Variants in HECW1 observed in about 807,000 individuals in gnomAD.
HECW1 encodes E3 ubiquitin-protein ligase HECW1.
Under a neutral mutation model 182.3 loss-of-function variants are expected in HECW1, and 61 were observed. The ratio of observed to expected loss-of-function variants is 0.33; its 90% confidence interval spans 0.27 to 0.41. The LOEUF (loss-of-function observed/expected upper bound fraction) is 0.41, where lower values mean the gene tolerates loss of function less well. Among genes scored for constraint, HECW1 ranks in the 10% least tolerant of loss-of-function variants. The pLI, the probability that HECW1 is intolerant of heterozygous loss-of-function variation, is 1.00. For synonymous variants in HECW1, 859 were observed against 832.6 expected, an observed-to-expected ratio of 1.03 and a Z score of -0.55; for missense variants, 1,739 against 2,108.9, an observed-to-expected ratio of 0.82 and a Z score of 3.44.
chr7:43,237,942 G>A (rs1798538092), intron 2 of HECW1, among the ~76,000 whole-genome samples: 1 of 152,140 alleles, frequency 6.6e-6, no homozygotes, highest in African/African-American at 2.4e-5. Flanking sequence ...ATGGGAGAGG[G>A]CCCTTGGTTG....
chr7:43,506,604 T>C (rs1204056624), intron 21 of HECW1, among the ~76,000 whole-genome samples: 1 of 152,190 alleles, frequency 6.6e-6, no homozygotes, highest in Non-Finnish European at 1.5e-5. Flanking sequence ...TCTGTTGAGC[T>C]CTTGCTCCAC....
intron 8 of HECW1, 152 bp downstream of exon 8, chr7:43,407,883 G>T: frequency 1.5e-6 from 1 of 672,304 alleles, no homozygotes; most frequent in Non-Finnish European, 2.4e-6. Flanking sequence ...TGTTCTCCAG[G>T]GGTTGCAACT....
intron 5 of HECW1, among the ~76,000 whole-genome samples, chr7:43,331,698 G>A (rs990666518): frequency 1.3e-5 from 2 of 152,100 alleles, no homozygotes; most frequent in African/African-American, 2.4e-5. Flanking sequence ...AGGTATCAAC[G>A]TTCTTGGCAA....
chr7:43,418,510 G>T (rs986017408), intron 8 of HECW1, among the ~76,000 whole-genome samples: 1 of 152,072 alleles, frequency 6.6e-6, no homozygotes, highest in Non-Finnish European at 1.5e-5. Flanking sequence ...GGTCCCTGAG[G>T]CTGTTTTCTC....
intron 8 of HECW1, among the ~76,000 whole-genome samples, chr7:43,411,028 CT>C (rs2075784821): frequency 7.0e-6 from 1 of 143,718 alleles, no homozygotes; most frequent in Non-Finnish European, 1.5e-5. Flanking sequence ...ATTTATTTAT[CT>C]CCTTTATTGC....
intron 16 of HECW1, among the ~76,000 whole-genome samples, chr7:43,478,668 A>C (rs1248706072): frequency 6.6e-6 from 1 of 151,962 alleles, no homozygotes; most frequent in Non-Finnish European, 1.5e-5. Flanking sequence ...TATAGAAAAG[A>C]AAAAACTAAG....
rs745781767 is a variant in HECW1 at position 43,407,657 on chromosome 7, G to A, written c.727G>A (p.Ala243Thr). Residue 243 changes from alanine (A) to threonine (T), a missense_variant, in exon 8 of 30, where the codon GCC (alanine) becomes ACC (threonine). Ala to Thr is a moderately conservative substitution (Grantham distance 58). Transcript: ENST00000395891. ...IQPGKHSIFP[A>T]LPHHGQERRS... ...GCCTGGGAAACACAGCATCTTCCCC[G>A]CCCTCCCTCACCATGGACAGGAGAG... 102 of 1,613,708 alleles carry A rather than the reference G, an allele frequency of 6.3e-5. No homozygotes were observed. Among genetic ancestry groups the A allele is most frequent in the Admixed American group, 5.5e-4 (33 of 59,984 alleles).
intron 17 of HECW1, among the ~76,000 whole-genome samples, chr7:43,491,332 T>C (rs1402181230): frequency 2.0e-5 from 3 of 152,180 alleles, no homozygotes; most frequent in South Asian, 4.1e-4. Context: ...TTGCAGAATT[T>C]GTTAGGATAT....
intron 3 of HECW1, among the ~76,000 whole-genome samples, chr7:43,266,796 A>C (rs968006260): frequency 6.6e-6 from 1 of 152,232 alleles, no homozygotes; most frequent in Admixed American, 6.5e-5. Flanking sequence ...TACAAAATTC[A>C]TCTATATTCT....
At chr7:43,416,663 G>A (rs2076010186) in intron 8 of HECW1, among the ~76,000 whole-genome samples, 2 of 147,402 alleles carry the variant, frequency 1.4e-5, no homozygotes, top group South Asian at 2.3e-4. Flanking sequence ...TCAGACTGCT[G>A]TGCTAGCAAT....
At position 43,387,060 on chromosome 7, in the gene HECW1, C is replaced by T. The variant is rs544579857; in HGVS notation, c.556-9754C>T. Among the ~76,000 whole-genome samples, 57 of 152,244 alleles carry T rather than the reference C, an allele frequency of 3.7e-4. No homozygotes were observed. The South Asian group carries it at 5.2e-3, about 14-fold the overall frequency. On this transcript the variant is annotated intron_variant, in intron 6 of 29. Transcript: ENST00000395891. ...ACATGATCCAGCCATTTAGAAGGTA[C>T]TGAGGCAGCTTCCAGAACTGTGTTT...
At chr7:43,376,318 G>A (rs984164911) in intron 6 of HECW1, among the ~76,000 whole-genome samples, 3 of 152,110 alleles carry the variant, frequency 2.0e-5, no homozygotes, top group African/African-American at 7.2e-5. Flanking sequence ...GGAACCTGCA[G>A]AAAGGAAGGG....
chr7:43,243,968 T>G lies in HECW1; in HGVS notation c.27+36T>G. The G allele has an allele frequency of 1.3e-6, 2 of 1,524,032 alleles. No homozygotes were observed. The highest frequency in any genetic ancestry group is 1.8e-6 in the Non-Finnish European group (2 of 1,097,844). 94.4% of individuals were successfully genotyped at this position (1,524,032 alleles called of 1,614,324 possible). A position where few individuals can be genotyped will look rare whatever the true frequency, so the allele number is the denominator to read the frequency against. ...TTTTCTGATTATAAGAAACCATCCATGTCATTCCATTATAAACCCACTCCA... is the reference window on the plus strand; with the variant it reads ...TTTTCTGATTATAAGAAACCATCCAGGTCATTCCATTATAAACCCACTCCA... On this transcript the variant is annotated intron_variant, in intron 3 of 29. Coordinates refer to ENST00000395891, the MANE Select transcript of HECW1 (RefSeq NM_015052.5). This position sits in a 1 kb window ranked among gnomAD's most constrained non-coding sequence, Gnocchi z 4.0.
At chr7:43,509,856 T>C (rs1257837807) in intron 24 of HECW1, 1 of 152,226 alleles carries the variant, frequency 6.6e-6, no homozygotes, top group East Asian at 1.9e-4. Flanking sequence ...CTAATGTGAG[T>C]TCTTCTGACA....
rs536252847 is a variant in HECW1 at position 43,445,236 on chromosome 7, C to T, written c.2064C>T (p.Tyr688=). The change falls in exon 11 of 30, where the codon TAC becomes TAT. Residue 688 remains tyrosine (Y), a synonymous_variant. Transcript: ENST00000395891. The stretch of plus-strand genomic sequence containing the variant: ...CCTCGTGCTACAGCTCCTCGTGCTA[C>T]AGCACGTCCTGCTACAGCAGCTCGT... The part of the protein sequence containing the change: ...CSPSCYSSSC[Y]STSCYSSSCY... 22 of 1,613,254 alleles carry T rather than the reference C, an allele frequency of 1.4e-5. No homozygotes were observed. Among genetic ancestry groups the T allele is most frequent in the Middle Eastern group, 1.6e-4 (1 of 6,062 alleles).
intron 2 of HECW1, among the ~76,000 whole-genome samples, chr7:43,166,683 G>A (rs1041727309): frequency 2.6e-5 from 4 of 152,204 alleles, no homozygotes; most frequent in Admixed American, 2.6e-4. Flanking sequence ...TTCATAACTT[G>A]AGAGGAAGTA....
At chr7:43,344,602 A>G (rs547489499) in intron 5 of HECW1, among the ~76,000 whole-genome samples, 1 of 151,720 alleles carries the variant, frequency 6.6e-6, no homozygotes, top group East Asian at 1.9e-4. Context: ...CTTTCGATGT[A>G]GCACCATCAT....
chr7:43,477,476 T>A (rs910440489), intron 16 of HECW1, among the ~76,000 whole-genome samples: 5 of 152,212 alleles, frequency 3.3e-5, no homozygotes, highest in African/African-American at 1.2e-4. Flanking sequence ...AGCATGTTGA[T>A]GCATTTTGTT....
chr7:43,404,796 G>GAA (rs1051715103), intron 7 of HECW1, among the ~76,000 whole-genome samples: 1 of 152,098 alleles, frequency 6.6e-6, no homozygotes, highest in Non-Finnish European at 1.5e-5. Flanking sequence ...CCAACCTAAT[G>GAA]AAACCCTATC....
Sources: allele counts gnomAD v4.1 joint callset (sites outside exome capture counted in the v4.1 genomes callset), GRCh38; gene constraint gnomAD v4.1.1; non-coding constraint Gnocchi (gnomAD v3.1); transcripts MANE v1.5; gene names NCBI Gene and HGNC (gene_info 2026-07-23, HGNC 2026-07-21).